The following CTNNA3 variants were observed in gnomAD, a reference collection of about 807,000 sequenced individuals.
The protein encoded by CTNNA3 is catenin alpha-3.
A neutral mutation model predicts 95.7 loss-of-function variants in CTNNA3; 76 were observed. The observed-to-expected ratio is 0.79, with a 90% CI of 0.66 to 0.96. The LOEUF is 0.96. Ranked by LOEUF, CTNNA3 falls within the 40% of genes least tolerant of loss-of-function variation. The probability of loss-of-function intolerance (pLI) is 0.00; values close to 1 mark genes in which losing one functional copy is unlikely to be tolerated. For synonymous variants in CTNNA3, 431 were observed against 374.4 expected, an observed-to-expected ratio of 1.15 and a Z score of -1.74; for missense variants, 1,191 against 1,089.8, an observed-to-expected ratio of 1.09 and a Z score of -1.31.
chr10:67,638,553 T>C (rs565748701), intron 2 of CTNNA3, among the ~76,000 whole-genome samples: 1 of 152,284 alleles, frequency 6.6e-6, no homozygotes, highest in Admixed American at 6.5e-5. Context: ...CAACAGAATA[T>C]ACATTCTTCT....
chr10:67,039,160 T>C (rs1234600159), intron 7 of CTNNA3, among the ~76,000 whole-genome samples: 1 of 152,108 alleles, frequency 6.6e-6, no homozygotes, highest in Admixed American at 6.6e-5. Context: ...TAAGCTATAC[T>C]GTTACCATAC....
intron 7 of CTNNA3, among the ~76,000 whole-genome samples, chr10:66,793,547 C>T (rs922977156): frequency 6.6e-6 from 1 of 151,954 alleles, no homozygotes; most frequent in Non-Finnish European, 1.5e-5. Context: ...TATTATACAC[C>T]AGGAACTATG....
intron 9 of CTNNA3, among the ~76,000 whole-genome samples, chr10:66,723,671 G>C (rs958896139): frequency 1.3e-5 from 2 of 152,114 alleles, no homozygotes; most frequent in Non-Finnish European, 2.9e-5. Context: ...TCAGTTAATA[G>C]CCTGTGTTGT....
chr10:66,469,876 A>T (rs1226989078), intron 11 of CTNNA3, among the ~76,000 whole-genome samples: 1 of 151,902 alleles, frequency 6.6e-6, no homozygotes, highest in Non-Finnish European at 1.5e-5. Context: ...AATTGAAAAC[A>T]TAAAACAGGA....
At chr10:67,716,913 G>T (rs1259146652) in intron 1 of CTNNA3, among the ~76,000 whole-genome samples, 3 of 152,116 alleles carry the variant, frequency 2.0e-5, no homozygotes, top group Non-Finnish European at 4.4e-5. Context: ...TTCCACAATG[G>T]TTGAACTAAT....
chr10:66,669,355 C>T (rs1846575398), intron 9 of CTNNA3, among the ~76,000 whole-genome samples: 1 of 151,980 alleles, frequency 6.6e-6, no homozygotes, highest in Non-Finnish European at 1.5e-5. Context: ...ACCATCCTGG[C>T]CAACATGGTG....
At chr10:66,153,706 A>T (rs2084327014) in intron 13 of CTNNA3, among the ~76,000 whole-genome samples, 1 of 151,880 alleles carries the variant, frequency 6.6e-6, no homozygotes, top group East Asian at 1.9e-4. Context: ...ATTCTCTACC[A>T]CAGTGTTAGT....
intron 9 of CTNNA3, among the ~76,000 whole-genome samples, chr10:66,757,869 C>T (rs1182167203): frequency 6.6e-6 from 1 of 151,960 alleles, no homozygotes; most frequent in Non-Finnish European, 1.5e-5. Flanking sequence ...AAGTGAGTTG[C>T]TTAATTTCTC....
At position 67,180,585 on chromosome 10, in the gene CTNNA3, G is replaced by C; in HGVS notation, c.844-65C>G. On this transcript the variant is annotated intron_variant, in intron 6 of 17. Coordinates refer to ENST00000433211, the MANE Select transcript of CTNNA3 (RefSeq NM_013266.4). ...CATTTCACTTTTATGAAAAACAAATGTTATTTTGTTTTTGCATTTAGAATT... is the reference window on the plus strand; with the variant it reads ...CATTTCACTTTTATGAAAAACAAATCTTATTTTGTTTTTGCATTTAGAATT... 4 of 1,348,870 alleles carry C rather than the reference G, an allele frequency of 3.0e-6. No homozygotes were observed. In the South Asian group the frequency reaches 4.8e-5, roughly 16 times the overall value. 83.6% of individuals were successfully genotyped at this position (1,348,870 alleles called of 1,614,324 possible).
At chr10:65,982,255 C>A (rs1270966229) in intron 16 of CTNNA3, among the ~76,000 whole-genome samples, 1 of 149,820 alleles carries the variant, frequency 6.7e-6, no homozygotes, top group Admixed American at 6.7e-5. Context: ...AAATGTTCAA[C>A]TCACTAATTA....
At chr10:67,716,006 T>C (rs1589579170) in intron 1 of CTNNA3, among the ~76,000 whole-genome samples, 1 of 152,192 alleles carries the variant, frequency 6.6e-6, no homozygotes, top group African/African-American at 2.4e-5. Context: ...GCTAATCAGC[T>C]GGATAAGCAG....
chr10:67,202,819 T>C (rs1047581634), intron 6 of CTNNA3, among the ~76,000 whole-genome samples: 4 of 152,214 alleles, frequency 2.6e-5, no homozygotes, highest in Admixed American at 6.5e-5. Flanking sequence ...ATTTTTATTA[T>C]ATTATTATGA....
intron 7 of CTNNA3, among the ~76,000 whole-genome samples, chr10:66,834,560 C>T (rs1330474032): frequency 1.3e-5 from 2 of 152,202 alleles, no homozygotes; most frequent in East Asian, 3.8e-4. Flanking sequence ...ACTGAGTGGT[C>T]TTAATCTAAA....
At chr10:66,897,106 T>C (rs1485118737) in intron 7 of CTNNA3, among the ~76,000 whole-genome samples, 1 of 152,176 alleles carries the variant, frequency 6.6e-6, no homozygotes, top group Non-Finnish European at 1.5e-5. Context: ...TGAATCCTGA[T>C]AGGTCTCATG....
At chr10:66,833,375 T>C (rs1252974124) in intron 7 of CTNNA3, among the ~76,000 whole-genome samples, 3 of 152,244 alleles carry the variant, frequency 2.0e-5, no homozygotes, top group Non-Finnish European at 4.4e-5. Flanking sequence ...ATCTTGTTTA[T>C]ATCTCTATAA....
In CTNNA3 at chr10:66,752,189, C is replaced by A. The variant is rs549661467; in HGVS notation, c.1281+14075G>T. Among the ~76,000 whole-genome samples, 5 of 152,194 alleles carry A rather than the reference C, an allele frequency of 3.3e-5. No homozygotes were observed. The East Asian group carries it at 9.7e-4, about 29-fold the overall frequency. ...AAAGAGGACTGACAACACCTGATTT[C>A]ATAACTTACTATAAAGTTACAGTTT... On this transcript the variant is annotated intron_variant, in intron 9 of 17. Transcript: ENST00000433211.
intron 10 of CTNNA3, among the ~76,000 whole-genome samples, chr10:66,618,590 C>T (rs1273970088): frequency 1.3e-5 from 2 of 152,052 alleles, no homozygotes; most frequent in African/African-American, 4.8e-5. Context: ...AACGTTAGAC[C>T]TAAAACCATA....
At chr10:67,191,809 A>T (rs1172472555) in intron 6 of CTNNA3, among the ~76,000 whole-genome samples, 1 of 151,960 alleles carries the variant, frequency 6.6e-6, no homozygotes, top group African/African-American at 2.4e-5. Flanking sequence ...TTAAGAACAA[A>T]ACTGGAGGGA....
At chr10:66,932,167 T>C (rs928482312) in intron 7 of CTNNA3, among the ~76,000 whole-genome samples, 2 of 152,142 alleles carry the variant, frequency 1.3e-5, no homozygotes, top group Non-Finnish European at 2.9e-5. Context: ...ACAATGATGT[T>C]ACAGTCTAAG....
Sources: gnomAD v4.1 joint callset for allele counts (sites outside exome capture counted in the v4.1 genomes callset) on GRCh38, gnomAD v4.1.1 for gene constraint, MANE v1.5 for transcripts, NCBI Gene and HGNC (gene_info 2026-07-23, HGNC 2026-07-21) for gene names.